Variants in BCAS3 observed in about 807,000 individuals in gnomAD.
BCAS3 encodes the protein BCAS3 microtubule associated cell migration factor.
Under a neutral mutation model 116.1 loss-of-function variants are expected in BCAS3, and 53 were observed. That is an observed-to-expected ratio of 0.46 (90% CI 0.37 to 0.57). BCAS3 has a LOEUF of 0.57. Among genes scored for constraint, BCAS3 ranks in the 20% least tolerant of loss-of-function variants. BCAS3 has a pLI of 0.00. For missense variants in BCAS3, 917 were observed against 1,165.4 expected, an observed-to-expected ratio of 0.79 and a Z score of 3.10; for synonymous variants, 391 against 408.2, an observed-to-expected ratio of 0.96 and a Z score of 0.51.
intron 7 of BCAS3, among the ~76,000 whole-genome samples, chr17:60,808,917 A>T (rs1228686893): frequency 1.3e-5 from 2 of 152,208 alleles, no homozygotes; most frequent in Admixed American, 6.5e-5. Context: ...ATTGCAGCAG[A>T]TGAGAAGGAC....
In BCAS3 at chr17:61,211,670, T is replaced by A. The variant is rs867792545; in HGVS notation, c.2425+127106T>A. 6.7e-4 allele frequency among the ~76,000 whole-genome samples: 58 copies of A among 86,662 alleles called. No individual in the cohort carries two copies. Among genetic ancestry groups the A allele is most frequent in the African/African-American group, 7.1e-4 (25 of 35,396 alleles). 56.9% of individuals were successfully genotyped at this position (86,662 alleles called of 152,430 possible). On this transcript the variant is annotated intron_variant, in intron 22 of 23. Transcript: ENST00000407086. The surrounding 1 kb of genome is among the most constrained non-coding windows in gnomAD (Gnocchi z 4.4). ...TGTTTGCATCCAGGTCATTTCTCCA[T>A]AAAAAAAAAAAAAAAATGCCACTGA...
intron 7 of BCAS3, among the ~76,000 whole-genome samples, chr17:60,815,881 T>C (rs549677613): frequency 1.3e-4 from 20 of 152,346 alleles, no homozygotes; most frequent in African/African-American, 4.6e-4. Context: ...TTAAGCGCAG[T>C]GCCCTATATC....
chr17:60,929,313 T>C (rs1237623868), intron 13 of BCAS3, among the ~76,000 whole-genome samples: 3 of 152,100 alleles, frequency 2.0e-5, no homozygotes. Context: ...TAGTCCCAGC[T>C]ACTTAATTGG....
At chr17:60,826,935 A>G (rs908886328) in intron 7 of BCAS3, among the ~76,000 whole-genome samples, 12 of 152,132 alleles carry the variant, frequency 7.9e-5, no homozygotes, top group Non-Finnish European at 2.9e-5. Context: ...GCTTGTAGTG[A>G]TATTTCTGTT....
At chr17:61,160,088 A>G (rs1284329648) in intron 22 of BCAS3, among the ~76,000 whole-genome samples, 1 of 151,780 alleles carries the variant, frequency 6.6e-6, no homozygotes, top group African/African-American at 2.4e-5. Context: ...ACATTTGTCC[A>G]AAATCTTTAT....
Position 61,106,224 on chromosome 17 carries a change from A to C in BCAS3, c.2425+21660A>C, listed in dbSNP as rs1241353721. Reference sequence around the variant, plus strand: ...CATAGGTCTGTACATATAGGAAAAAACATGGTATATACAGTCATGTATGGC... The same window carrying C: ...CATAGGTCTGTACATATAGGAAAAACCATGGTATATACAGTCATGTATGGC... On this transcript the variant is annotated intron_variant, in intron 22 of 23. Transcript: ENST00000407086. This position sits in a 1 kb window ranked among gnomAD's most constrained non-coding sequence, Gnocchi z 4.2. Among the ~76,000 whole-genome samples, 2 of 152,198 alleles carry C rather than the reference A, an allele frequency of 1.3e-5. No individual in the cohort carries two copies. Among genetic ancestry groups the C allele is most frequent in the Non-Finnish European group, 2.9e-5 (2 of 68,032 alleles).
chr17:61,296,293 A>G (rs1398975686), intron 22 of BCAS3, among the ~76,000 whole-genome samples: 1 of 152,186 alleles, frequency 6.6e-6, no homozygotes, highest in East Asian at 1.9e-4. Flanking sequence ...CAATTTGATG[A>G]AACAGTTGCT....
rs1441643153 is a variant in BCAS3 at position 61,276,634 on chromosome 17, A to C, written c.2426-91693A>C. Among the ~76,000 whole-genome samples the C allele has an allele frequency of 1.3e-5, 2 of 152,190 alleles. No homozygotes were observed. Among genetic ancestry groups the C allele is most frequent in the South Asian group, 2.1e-4 (1 of 4,832 alleles). ...CCAAATTGATCTACAGATTCAACACAATCTCTATCAAAATGATCTCTATCA... is the reference window on the plus strand; with the variant it reads ...CCAAATTGATCTACAGATTCAACACCATCTCTATCAAAATGATCTCTATCA... On this transcript the variant is annotated intron_variant, in intron 22 of 23. Transcript: ENST00000407086. The surrounding 1 kb of genome is among the most constrained non-coding windows in gnomAD (Gnocchi z 4.2).
chr17:60,801,799 G>A (rs1258686188), intron 6 of BCAS3, among the ~76,000 whole-genome samples: 3 of 152,088 alleles, frequency 2.0e-5, no homozygotes, highest in Admixed American at 6.6e-5. Context: ...TGATAAAATC[G>A]TAGTTTTTTG....
chr17:61,318,781 C>T (rs940332582), intron 22 of BCAS3, among the ~76,000 whole-genome samples: 3 of 152,142 alleles, frequency 2.0e-5, no homozygotes, highest in African/African-American at 7.2e-5. Flanking sequence ...TGAAGTTGGT[C>T]CCATCATGTT....
intron 8 of BCAS3, among the ~76,000 whole-genome samples, chr17:60,870,599 G>A (rs954331770): frequency 1.2e-4 from 18 of 152,076 alleles, no homozygotes; most frequent in African/African-American, 3.6e-4. Context: ...AACACTTATC[G>A]CTCCTCCATT....
chr17:60,755,813 T>G (rs561232028), intron 6 of BCAS3, among the ~76,000 whole-genome samples: 43 of 152,338 alleles, frequency 2.8e-4, no homozygotes, highest in African/African-American at 1.0e-3. Context: ...ATTTTAAAAA[T>G]TGATACAAAT....
intron 22 of BCAS3, among the ~76,000 whole-genome samples, chr17:61,116,434 T>C (rs2075457967): frequency 1.3e-5 from 2 of 152,198 alleles, no homozygotes; most frequent in African/African-American, 4.8e-5. Context: ...CATCCTGATT[T>C]ATAATATAAT....
At position 61,088,928 on chromosome 17, in the gene BCAS3, G is replaced by T. The variant is rs1250972458; in HGVS notation, c.2425+4364G>T. 6.6e-6 allele frequency among the ~76,000 whole-genome samples: 1 copy of T among 152,182 alleles called. No individual in the cohort carries two copies. The highest frequency in any genetic ancestry group is 1.5e-5 in the Non-Finnish European group (1 of 68,034). On this transcript the variant is annotated intron_variant, in intron 22 of 23. Coordinates refer to ENST00000407086, the MANE Select transcript of BCAS3 (RefSeq NM_017679.5). This position sits in a 1 kb window ranked among gnomAD's most constrained non-coding sequence, Gnocchi z 4.2. Reference sequence around the variant, plus strand: ...AGGAAGTGTGGTGGAAGCAGTGTTTGTGTACATGCCTGAGGAAGATGGTAG... The same window carrying T: ...AGGAAGTGTGGTGGAAGCAGTGTTTTTGTACATGCCTGAGGAAGATGGTAG...
chr17:61,172,781 C>G (rs964730589), intron 22 of BCAS3, among the ~76,000 whole-genome samples: 1 of 151,440 alleles, frequency 6.6e-6, no homozygotes, highest in African/African-American at 2.4e-5. Context: ...GTCCGGAGAT[C>G]GAGACAATCC....
chr17:60,951,770 T>C (rs2060845245), intron 14 of BCAS3, among the ~76,000 whole-genome samples: 2 of 144,232 alleles, frequency 1.4e-5, no homozygotes, highest in African/African-American at 2.6e-5. Context: ...CTTTCTTTTT[T>C]TTTTTTTTTT....
rs2078861390 is a variant in BCAS3 at position 61,171,896 on chromosome 17, G to A, written c.2425+87332G>A. On this transcript the variant is annotated intron_variant, in intron 22 of 23. Coordinates refer to ENST00000407086, the MANE Select transcript of BCAS3 (RefSeq NM_017679.5). This position sits in a 1 kb window ranked among gnomAD's most constrained non-coding sequence, Gnocchi z 4.1. ...GATTCTCTCACCTTGGCCTTCCAAA[G>A]TGTTACGATTACCAGTGTGAGCCAC... Among the ~76,000 whole-genome samples, 1 of 151,876 alleles carries A rather than the reference G, an allele frequency of 6.6e-6. No individual in the cohort carries two copies. Among genetic ancestry groups the A allele is most frequent in the African/African-American group, 2.4e-5 (1 of 41,322 alleles).
chr17:61,241,236 G>C lies in BCAS3; in HGVS notation c.2426-127091G>C, dbSNP rs558770940. ...ACTCTGTTATTACTACGAATTTGTA[G>C]GTTGGTATTTAGCTTAGCAAGTGAT... On this transcript the variant is annotated intron_variant, in intron 22 of 23. Transcript: ENST00000407086. This position sits in a 1 kb window ranked among gnomAD's most constrained non-coding sequence, Gnocchi z 4.6. Among the ~76,000 whole-genome samples the C allele has an allele frequency of 1.3e-5, 2 of 152,172 alleles. No individual in the cohort carries two copies. The highest frequency in any genetic ancestry group is 4.8e-5 in the African/African-American group (2 of 41,518).
At chr17:60,879,714 A>T (rs144654662) in intron 9 of BCAS3, among the ~76,000 whole-genome samples, 2 of 152,352 alleles carry the variant, frequency 1.3e-5, no homozygotes, top group African/African-American at 4.8e-5. Context: ...TTGGAGGAGA[A>T]AACTTATTTC....
Sources: gnomAD v4.1 joint callset for allele counts (sites outside exome capture counted in the v4.1 genomes callset) on GRCh38, gnomAD v4.1.1 for gene constraint, Gnocchi (gnomAD v3.1) non-coding constraint, MANE v1.5 for transcripts, NCBI Gene and HGNC (gene_info 2026-07-23, HGNC 2026-07-21) for gene names.